The following MAP4K3 variants were observed in gnomAD, a reference collection of about 807,000 sequenced individuals.
MAP4K3 encodes the protein mitogen-activated protein kinase kinase kinase kinase 3.
In MAP4K3, 94 loss-of-function variants were observed where a neutral mutation model predicts 143.5. The observed-to-expected ratio is 0.65, with a 90% CI of 0.55 to 0.78. The LOEUF is 0.78. Among genes scored for constraint, MAP4K3 ranks in the 30% least tolerant of loss-of-function variants. MAP4K3 has a pLI of 0.00. For missense variants in MAP4K3, 1,077 were observed against 1,068.1 expected (o/e 1.01, Z -0.12); for synonymous variants, 416 against 347.2 (o/e 1.20, Z -2.20).
intron 24 of MAP4K3, among the ~76,000 whole-genome samples, chr2:39,274,605 G>T (rs141060571): frequency 1.3e-4 from 20 of 152,236 alleles, no homozygotes; most frequent in Non-Finnish European, 2.2e-4. Context: ...TTAGGTTCTA[G>T]GTGAAATGAT....
rs142972084 is a variant in MAP4K3, at chr2:39,305,378, A to T, written c.1119+2565T>A. Among the ~76,000 whole-genome samples, 780 of 152,306 alleles carry T rather than the reference A, an allele frequency of 5.1e-3. 7 individuals carry two copies. The highest frequency in any genetic ancestry group is 0.018 in the African/African-American group (747 of 41,556). On this transcript the variant is annotated intron_variant, in intron 15 of 33. Coordinates refer to ENST00000263881, the MANE Select transcript of MAP4K3 (RefSeq NM_003618.4). Reference sequence around the variant, plus strand: ...TGGTTTAGTTTTGAATTCCTGAGCTAGGCTGCTTAGGAATCCCAGCTCTGC... The same window carrying T: ...TGGTTTAGTTTTGAATTCCTGAGCTTGGCTGCTTAGGAATCCCAGCTCTGC...
chr2:39,402,971 G>A (rs1455008618), intron 1 of MAP4K3, among the ~76,000 whole-genome samples: 1 of 152,002 alleles, frequency 6.6e-6, no homozygotes, highest in Non-Finnish European at 1.5e-5. Flanking sequence ...TACATTCTTT[G>A]AAAGACACAA....
At chr2:39,342,723 C>A (rs143496958) in intron 4 of MAP4K3, among the ~76,000 whole-genome samples, 1 of 151,914 alleles carries the variant, frequency 6.6e-6, no homozygotes, top group Non-Finnish European at 1.5e-5. Context: ...TGGCCCCACA[C>A]TAGAAAATAG....
rs1035584124 is a variant in MAP4K3 at position 39,251,893 on chromosome 2, A to G, written c.2542-8T>C. 3.7e-6 allele frequency: 6 copies of G among 1,606,884 alleles called. No individual in the cohort carries two copies. Among genetic ancestry groups the G allele is most frequent in the Non-Finnish European group, 3.4e-6 (4 of 1,174,368 alleles). On this transcript the variant is annotated splice_polypyrimidine_tract_variant and splice_region_variant and intron_variant, in intron 32 of 33. Coordinates refer to ENST00000263881, the MANE Select transcript of MAP4K3 (RefSeq NM_003618.4). ...TGAAATTTCTTGTGTTACCTGTTCA[A>G]TTAAAACACAAATTTAATTTCTGAA...
At chr2:39,415,786 T>C (rs1667353049) in intron 1 of MAP4K3, among the ~76,000 whole-genome samples, 1 of 150,018 alleles carries the variant, frequency 6.7e-6, no homozygotes, top group South Asian at 2.1e-4. Flanking sequence ...ACCCCATCTC[T>C]ACCAAAAATA....
chr2:39,318,391 AAAGTT>A (rs1683189935), intron 12 of MAP4K3, among the ~76,000 whole-genome samples: 1 of 152,156 alleles, frequency 6.6e-6, no homozygotes, highest in Non-Finnish European at 1.5e-5. Context: ...AACTAAAATA[AAAGTT>A]AAGAGAAAAA....
chr2:39,436,538 C>A (rs1665486808), intron 1 of MAP4K3: 1 of 251,298 alleles, frequency 4.0e-6, no homozygotes, highest in Non-Finnish European at 7.8e-6. Flanking sequence ...CCCTGCTGTC[C>A]GGTTCGTCGC....
At chr2:39,342,259 C>T (rs948880584) in intron 4 of MAP4K3, among the ~76,000 whole-genome samples, 1 of 152,016 alleles carries the variant, frequency 6.6e-6, no homozygotes, top group Non-Finnish European at 1.5e-5. Context: ...CCGCCGCAGC[C>T]TTTGGAGTAG....
At chr2:39,402,369 G>A (rs1666974543) in intron 1 of MAP4K3, among the ~76,000 whole-genome samples, 1 of 152,032 alleles carries the variant, frequency 6.6e-6, no homozygotes, top group African/African-American at 2.4e-5. Flanking sequence ...CAGTTTTGAA[G>A]AAAACCATAA....
intron 1 of MAP4K3, among the ~76,000 whole-genome samples, chr2:39,409,396 T>C (rs1014570427): frequency 6.6e-6 from 1 of 152,188 alleles, no homozygotes; most frequent in African/African-American, 2.4e-5. Context: ...CTCTCTGTTG[T>C]TCAAGGATCC....
chr2:39,433,915 G>A (rs988742878), intron 1 of MAP4K3, among the ~76,000 whole-genome samples: 1 of 152,116 alleles, frequency 6.6e-6, no homozygotes, highest in Non-Finnish European at 1.5e-5. Context: ...AAAGAAGAAG[G>A]GCATATGATG....
At chr2:39,336,469 C>A in intron 6 of MAP4K3, among the ~76,000 whole-genome samples, 1 of 49,560 alleles carries the variant, frequency 2.0e-5, no homozygotes. Flanking sequence ...GAGACTCCAT[C>A]TCAAAAAAAA....
At chr2:39,283,219 T>C (rs74636886) in intron 21 of MAP4K3, among the ~76,000 whole-genome samples, 5,688 of 152,240 alleles carry the variant, frequency 0.037, 130 homozygotes, top group South Asian at 0.055. Context: ...TTAGTGCATA[T>C]TGACTGTCAA....
chr2:39,436,873 G>C lies in MAP4K3; in HGVS notation c.96+19C>G. On this transcript the variant is annotated intron_variant, in intron 1 of 33. Transcript: ENST00000263881. ...GTCGGGATCCCACGGCCTCGGCGGC[G>C]CGCGGCCCCTGCCTTTACCTTGTAG... 1 of 1,581,088 alleles carries C rather than the reference G, an allele frequency of 6.3e-7. No individual in the cohort carries two copies. The highest frequency in any genetic ancestry group is 8.6e-7 in the Non-Finnish European group (1 of 1,164,226).
At chr2:39,326,514 C>G (rs2148516405) in intron 8 of MAP4K3, among the ~76,000 whole-genome samples, 1 of 152,250 alleles carries the variant, frequency 6.6e-6, no homozygotes, top group African/African-American at 2.4e-5. Context: ...AGGGACTTGC[C>G]TTGCCTTGCC....
At chr2:39,344,179 T>A (rs1665219190) in intron 3 of MAP4K3, among the ~76,000 whole-genome samples, 1 of 152,196 alleles carries the variant, frequency 6.6e-6, no homozygotes, top group African/African-American at 2.4e-5. Context: ...TCTTAGTGTC[T>A]AGAAGAATAT....
At chr2:39,394,101 CT>C (rs1207998994) in intron 1 of MAP4K3, among the ~76,000 whole-genome samples, 2 of 152,178 alleles carry the variant, frequency 1.3e-5, no homozygotes, top group Admixed American at 1.3e-4. Context: ...TTTTGTTATG[CT>C]TTATAAAAAT....
At chr2:39,336,149 T>C (rs1664949448) in intron 6 of MAP4K3, among the ~76,000 whole-genome samples, 1 of 152,162 alleles carries the variant, frequency 6.6e-6, no homozygotes, top group Non-Finnish European at 1.5e-5. Context: ...TCAGAGCACC[T>C]GCTCTCCTTT....
chr2:39,256,163 C>T (rs918660047), intron 31 of MAP4K3, among the ~76,000 whole-genome samples: 2 of 152,086 alleles, frequency 1.3e-5, no homozygotes, highest in South Asian at 4.2e-4. Context: ...TACTCATATC[C>T]AGCAACTCTG....
Sources: allele counts gnomAD v4.1 joint callset (sites outside exome capture counted in the v4.1 genomes callset), GRCh38; gene constraint gnomAD v4.1.1; transcripts MANE v1.5; gene names NCBI Gene and HGNC (gene_info 2026-07-23, HGNC 2026-07-21).